Variants in PKHD1 observed in about 807,000 individuals in gnomAD.
The protein encoded by PKHD1 is PKHD1 ciliary IPT domain containing fibrocystin/polyductin.
In PKHD1, 291 loss-of-function variants were observed where a neutral mutation model predicts 412.0. The ratio of observed to expected loss-of-function variants is 0.71; its 90% CI spans 0.64 to 0.78. The LOEUF is 0.78. Ranked by LOEUF, PKHD1 falls within the 30% of genes least tolerant of loss-of-function variation. The probability of loss-of-function intolerance (pLI) is 0.00; values close to 1 mark genes in which losing one functional copy is unlikely to be tolerated. For missense variants in PKHD1, 4,825 were observed against 4,950.7 expected, an observed-to-expected ratio of 0.97 and a Z score of 0.76; for synonymous variants, 1,777 against 1,821.5, an observed-to-expected ratio of 0.98 and a Z score of 0.62.
chr6:52,023,225 A>G (rs1801665428), intron 32 of PKHD1, among the ~76,000 whole-genome samples: 2 of 151,948 alleles, frequency 1.3e-5, no homozygotes, highest in South Asian at 2.1e-4. Flanking sequence ...TAGTTTTTAA[A>G]CTTTTTATTC....
At position 51,626,758 on chromosome 6, in the gene PKHD1, C is replaced by G. The variant is rs2784203; in HGVS notation, c.11785+239G>C. 0.043 allele frequency among the ~76,000 whole-genome samples: 6,520 copies of G among 152,156 alleles called. 236 individuals are homozygous for G. Among genetic ancestry groups the G allele is most frequent in the African/African-American group, 0.093 (3,862 of 41,520 alleles). On this transcript the variant is annotated intron_variant, in intron 66 of 66. Transcript: ENST00000371117. Reference sequence around the variant, plus strand: ...TATGTAACAAACTCAAATGTTAAACCAATAATCTTCTACTAAAAACAATAT... The same window carrying G: ...TATGTAACAAACTCAAATGTTAAACGAATAATCTTCTACTAAAAACAATAT...
intron 42 of PKHD1, 28 bp from the exon 43 acceptor site, chr6:51,903,755 C>T (rs777037799): frequency 1.3e-6 from 2 of 1,595,430 alleles, no homozygotes. Flanking sequence ...CCAGGGGATC[C>T]ACAAACATAA....
At chr6:51,863,359 A>G (rs919314787) in intron 48 of PKHD1, among the ~76,000 whole-genome samples, 2 of 152,240 alleles carry the variant, frequency 1.3e-5, no homozygotes, top group South Asian at 2.1e-4. Flanking sequence ...CACTCAATAC[A>G]GTCAAAAATT....
At chr6:51,891,280 T>C (rs936670473) in intron 43 of PKHD1, among the ~76,000 whole-genome samples, 6 of 152,092 alleles carry the variant, frequency 3.9e-5, no homozygotes, top group African/African-American at 1.4e-4. Flanking sequence ...TTTGTTTGTT[T>C]GTTTGTTTTC....
At chr6:51,741,538 G>A (rs561743991) in intron 60 of PKHD1, among the ~76,000 whole-genome samples, 2 of 152,262 alleles carry the variant, frequency 1.3e-5, no homozygotes, top group East Asian at 1.9e-4. Context: ...TAAGCTCCAA[G>A]ACAGGGGAGC....
At chr6:51,656,901 CT>C (rs1771950205) in intron 61 of PKHD1, among the ~76,000 whole-genome samples, 1 of 151,852 alleles carries the variant, frequency 6.6e-6, no homozygotes, top group African/African-American at 2.4e-5. Flanking sequence ...AGCTATCCAC[CT>C]ACCTCCACCT....
chr6:51,870,386 A>T, intron 47 of PKHD1, 118 bp downstream of exon 47: 2 of 911,386 alleles, frequency 2.2e-6, no homozygotes, highest in Non-Finnish European at 3.5e-6. Flanking sequence ...AACAGTTTCT[A>T]CTGATGCAAT....
chr6:51,762,942 T>C (rs943637553), intron 55 of PKHD1, among the ~76,000 whole-genome samples: 1 of 152,066 alleles, frequency 6.6e-6, no homozygotes, highest in African/African-American at 2.4e-5. Context: ...TTGCAACTTA[T>C]TTTGAGTCTG....
In PKHD1 at chr6:52,043,674, C is replaced by A. The variant is rs1424551922; in HGVS notation, c.2772G>T (p.Gln924His). 29 of 1,613,400 alleles carry A rather than the reference C, an allele frequency of 1.8e-5. No homozygotes were observed. Among genetic ancestry groups the A allele is most frequent in the Non-Finnish European group, 2.4e-5 (28 of 1,179,576 alleles). ...CACAGGGAGTTGACCCTTGGAGGTA[C>A]TGGAAAGAGCAGGAACCTGGGCAAT... ...PAHCPGSCSF[Q>H]YLQGSTPCVH... Residue 924 changes from glutamine to histidine, a missense_variant, in exon 26 of 67, where the codon CAG (glutamine) becomes CAT (histidine). Transcript: ENST00000371117.
intron 60 of PKHD1, among the ~76,000 whole-genome samples, chr6:51,696,314 T>C (rs528824264): frequency 3.3e-5 from 5 of 152,314 alleles, no homozygotes; most frequent in African/African-American, 1.2e-4. Context: ...TCTTTAATCA[T>C]AGATACATCA....
At chr6:52,059,884 G>T in intron 15 of PKHD1, 44 bp downstream of exon 15, 2 of 916,532 alleles carry the variant, frequency 2.2e-6, no homozygotes, top group South Asian at 2.6e-5. Context: ...TCATGGGTAT[G>T]GGACTGGCAA....
chr6:52,044,802 A>T (rs1805513150), intron 25 of PKHD1, among the ~76,000 whole-genome samples, 164 bp downstream of exon 25: 1 of 152,344 alleles, frequency 6.6e-6, no homozygotes, highest in South Asian at 2.1e-4. Context: ...GGAACTGTAC[A>T]TACCCTGTGG....
chr6:51,735,460 G>A (rs916378112), intron 60 of PKHD1, among the ~76,000 whole-genome samples: 1 of 152,170 alleles, frequency 6.6e-6, no homozygotes, highest in African/African-American at 2.4e-5. Flanking sequence ...TTGCTAGTTT[G>A]TTTGGATAAT....
At chr6:51,937,085 A>G (rs950947923) in intron 36 of PKHD1, among the ~76,000 whole-genome samples, 1 of 152,206 alleles carries the variant, frequency 6.6e-6, no homozygotes, top group South Asian at 2.1e-4. Flanking sequence ...CATCTGCATA[A>G]TAAGAACCTT....
intron 35 of PKHD1, among the ~76,000 whole-genome samples, chr6:52,008,888 G>A (rs1354549484): frequency 1.3e-5 from 2 of 152,014 alleles, no homozygotes; most frequent in Non-Finnish European, 2.9e-5. Context: ...TAAACACTAG[G>A]TCAGCCTGCC....
At chr6:51,841,163 A>T (rs913097) in intron 50 of PKHD1, among the ~76,000 whole-genome samples, 8,480 of 152,272 alleles carry the variant, frequency 0.056, 252 homozygotes, top group African/African-American at 0.072. Flanking sequence ...AGTTGGTTTA[A>T]AAGGTTAGGT....
intron 44 of PKHD1, 103 bp from the exon 45 acceptor site, chr6:51,886,075 T>C (rs1207940971): frequency 6.5e-6 from 5 of 768,448 alleles, no homozygotes; most frequent in Admixed American, 4.0e-5. Flanking sequence ...TTAGGGAGAA[T>C]GAAGGTAGAT....
chr6:51,908,253 G>A (rs1404014526), intron 40 of PKHD1, among the ~76,000 whole-genome samples: 3 of 152,140 alleles, frequency 2.0e-5, no homozygotes, highest in African/African-American at 7.2e-5. Context: ...AATTTGAAAT[G>A]AAGGAAAATG....
chr6:51,933,011 T>C (rs1786898009), intron 37 of PKHD1, among the ~76,000 whole-genome samples: 1 of 152,172 alleles, frequency 6.6e-6, no homozygotes, highest in South Asian at 2.1e-4. Context: ...GTGATGCCAA[T>C]ATAGAAATAT....
Sources: gnomAD v4.1 joint callset for allele counts (sites outside exome capture counted in the v4.1 genomes callset) on GRCh38, gnomAD v4.1.1 for gene constraint, MANE v1.5 for transcripts, NCBI Gene and HGNC (gene_info 2026-07-23, HGNC 2026-07-21) for gene names.